CTNNA3: variants seen among roughly 807,000 people sequenced by gnomAD.
CTNNA3 encodes the protein catenin alpha 3.
A neutral mutation model predicts 95.7 loss-of-function variants in CTNNA3; 76 were observed. The observed-to-expected ratio is 0.79, with a 90% CI of 0.66 to 0.96. CTNNA3 has a LOEUF of 0.96. CTNNA3 is among the 40% of genes least tolerant of loss of function. The pLI is 0.00. For synonymous variants in CTNNA3, 431 were observed against 374.4 expected, an observed-to-expected ratio of 1.15 and a Z score of -1.74; for missense variants, 1,191 against 1,089.8, an observed-to-expected ratio of 1.09 and a Z score of -1.31.
At chr10:65,933,439 G>C (rs1288542271) in intron 17 of CTNNA3, among the ~76,000 whole-genome samples, 1 of 152,150 alleles carries the variant, frequency 6.6e-6, no homozygotes, top group Non-Finnish European at 1.5e-5. Flanking sequence ...GCTAAAGCTA[G>C]TTTCCTAGGA....
chr10:66,197,017 G>A (rs2087002262), intron 13 of CTNNA3, among the ~76,000 whole-genome samples: 1 of 152,022 alleles, frequency 6.6e-6, no homozygotes, highest in African/African-American at 2.4e-5. Context: ...AGTGTGGAAA[G>A]TGTGAAGAAC....
intron 11 of CTNNA3, among the ~76,000 whole-genome samples, chr10:66,493,095 T>G (rs1239748731): frequency 2.6e-5 from 4 of 152,132 alleles, no homozygotes; most frequent in African/African-American, 9.7e-5. Flanking sequence ...TATTACTAAT[T>G]GCTAGATCAA....
rs117234513 is a variant in CTNNA3 at position 67,193,629 on chromosome 10, A to C, written c.844-13109T>G. Among the ~76,000 whole-genome samples, 1,711 of 152,142 alleles carry C rather than the reference A, an allele frequency of 0.011. 93 individuals carry two copies. In the East Asian group the frequency reaches 0.17, roughly 15 times the overall value. Reference sequence around the variant, plus strand: ...TTACTGCTCCAGTTTGCTTAGAATAATGGCCTCCAGCTCCATCCATGTTCC... The same window carrying C: ...TTACTGCTCCAGTTTGCTTAGAATACTGGCCTCCAGCTCCATCCATGTTCC... On this transcript the variant is annotated intron_variant, in intron 6 of 17. Coordinates refer to ENST00000433211, the MANE Select transcript of CTNNA3 (RefSeq NM_013266.4).
At chr10:66,744,624 T>C (rs1849441482) in intron 9 of CTNNA3, among the ~76,000 whole-genome samples, 1 of 152,212 alleles carries the variant, frequency 6.6e-6, no homozygotes, top group African/African-American at 2.4e-5. Context: ...TGCATTTATA[T>C]TTTAAATATT....
intron 9 of CTNNA3, among the ~76,000 whole-genome samples, chr10:66,662,976 A>G (rs1846315088): frequency 6.6e-6 from 1 of 151,712 alleles, no homozygotes; most frequent in Admixed American, 6.6e-5. Context: ...CCTTGAACCC[A>G]CTCCAGTCAA....
intron 7 of CTNNA3, among the ~76,000 whole-genome samples, chr10:67,116,870 T>C (rs1355207244): frequency 2.0e-5 from 3 of 151,590 alleles, no homozygotes; most frequent in Admixed American, 2.0e-4. Context: ...TATATGCATA[T>C]ATATTGTTGA....
chr10:67,320,531 A>T (rs2620917), intron 5 of CTNNA3, among the ~76,000 whole-genome samples: 106,146 of 152,122 alleles, frequency 0.7, 41,495 homozygotes, highest in Non-Finnish European at 0.88. Context: ...TATTTTGGCA[A>T]GAAAGATGCC....
At chr10:66,866,221 G>A (rs899696204) in intron 7 of CTNNA3, among the ~76,000 whole-genome samples, 2 of 152,148 alleles carry the variant, frequency 1.3e-5, no homozygotes, top group Non-Finnish European at 2.9e-5. Flanking sequence ...CTGCCTGTCA[G>A]TACAGGGCCT....
intron 3 of CTNNA3, among the ~76,000 whole-genome samples, chr10:67,576,410 G>T: frequency 6.6e-6 from 1 of 151,998 alleles, no homozygotes; most frequent in Non-Finnish European, 1.5e-5. Flanking sequence ...TTGTATAGTT[G>T]TTAATAGTTT....
chr10:66,348,391 T>C (rs1224467109), intron 12 of CTNNA3, among the ~76,000 whole-genome samples: 1 of 152,116 alleles, frequency 6.6e-6, no homozygotes, highest in Non-Finnish European at 1.5e-5. Flanking sequence ...CTCCATTTCC[T>C]CATCTGTACA....
chr10:66,129,316 G>T lies in CTNNA3; in HGVS notation c.1885-26067C>A, dbSNP rs7079948. 2.8e-4 allele frequency among the ~76,000 whole-genome samples: 43 copies of T among 152,168 alleles called. No individual in the cohort carries two copies. In the South Asian group the frequency reaches 7.5e-3, roughly 26 times the overall value. On this transcript the variant is annotated intron_variant, in intron 13 of 17. Coordinates refer to ENST00000433211, the MANE Select transcript of CTNNA3 (RefSeq NM_013266.4). Reference sequence around the variant, plus strand: ...CTATTAAGGTACAGGCAAGCAGCAAGCTACTCTCACATTGGGCCTCTGGAA... The same window carrying T: ...CTATTAAGGTACAGGCAAGCAGCAATCTACTCTCACATTGGGCCTCTGGAA...
chr10:66,167,212 C>A (rs2085180394), intron 13 of CTNNA3, among the ~76,000 whole-genome samples: 1 of 152,000 alleles, frequency 6.6e-6, no homozygotes, highest in Non-Finnish European at 1.5e-5. Context: ...ATAAAATGTT[C>A]TACTTTTAAA....
At chr10:66,302,885 C>A (rs950129199) in intron 12 of CTNNA3, among the ~76,000 whole-genome samples, 7 of 152,066 alleles carry the variant, frequency 4.6e-5, no homozygotes, top group African/African-American at 1.7e-4. Context: ...CAAATTAGAT[C>A]CATTTCAGGA....
intron 7 of CTNNA3, among the ~76,000 whole-genome samples, chr10:67,051,483 G>A (rs562991735): frequency 1.0e-4 from 15 of 148,230 alleles, no homozygotes; most frequent in Admixed American, 8.7e-4. Flanking sequence ...TTTTGGTGAC[G>A]GAGTCTCACC....
intron 17 of CTNNA3, among the ~76,000 whole-genome samples, chr10:65,927,348 C>T (rs2077183013): frequency 6.6e-6 from 1 of 152,074 alleles, no homozygotes; most frequent in African/African-American, 2.4e-5. Context: ...GACGTATAAT[C>T]AAATATCATA....
chr10:67,469,202 C>T (rs1387316263), intron 5 of CTNNA3, among the ~76,000 whole-genome samples: 3 of 152,176 alleles, frequency 2.0e-5, no homozygotes, highest in Non-Finnish European at 4.4e-5. Flanking sequence ...TAAAAGGAGA[C>T]ATACAGTGTT....
chr10:66,270,710 CT>C (rs1011529432), intron 13 of CTNNA3, among the ~76,000 whole-genome samples: 1 of 152,100 alleles, frequency 6.6e-6, no homozygotes, highest in Admixed American at 6.5e-5. Context: ...TATATAGGAT[CT>C]GTGTAGGGTG....
intron 11 of CTNNA3, among the ~76,000 whole-genome samples, chr10:66,389,369 A>G (rs1330998400): frequency 7.9e-5 from 12 of 152,164 alleles, no homozygotes; most frequent in Admixed American, 7.9e-4. Context: ...TAACAGCTTC[A>G]GAGTATCAGC....
intron 1 of CTNNA3, among the ~76,000 whole-genome samples, chr10:67,657,887 A>T (rs967797502): frequency 7.3e-5 from 11 of 151,672 alleles, no homozygotes; most frequent in Admixed American, 2.0e-4. Context: ...CAAGAAAAAA[A>T]AGAAAACTGT....
Sources: allele counts gnomAD v4.1 joint callset (sites outside exome capture counted in the v4.1 genomes callset), GRCh38; gene constraint gnomAD v4.1.1; transcripts MANE v1.5; gene names NCBI Gene and HGNC (gene_info 2026-07-23, HGNC 2026-07-21).